Variants in CERT1 observed in about 807,000 individuals in gnomAD.
CERT1 encodes ceramide transporter 1.
Under a neutral mutation model 87.9 loss-of-function variants are expected in CERT1, and 31 were observed. The ratio of observed to expected loss-of-function variants is 0.35; its 90% CI spans 0.27 to 0.48. The LOEUF (loss-of-function observed/expected upper bound fraction) is 0.48, where lower values mean the gene tolerates loss of function less well. CERT1 is among the 20% of genes least tolerant of loss of function. The pLI is 0.99. For synonymous variants in CERT1, 289 were observed against 250.9 expected (o/e 1.15, Z -1.44); for missense variants, 487 against 758.0 (o/e 0.64, Z 4.20).
At position 75,417,899 on chromosome 5, in the gene CERT1, G is replaced by A. The variant is rs201351487; in HGVS notation, c.680-866C>T. 3.9e-5 allele frequency among the ~76,000 whole-genome samples: 6 copies of A among 152,344 alleles called. No homozygotes were observed. The East Asian group carries it at 1.2e-3, about 29-fold the overall frequency. Reference sequence around the variant, plus strand: ...TGGCTGGGCGCGGTGGCTCACGCCTGTAATCCCAGCACTTTGGGAGGCCAA... The same window carrying A: ...TGGCTGGGCGCGGTGGCTCACGCCTATAATCCCAGCACTTTGGGAGGCCAA... On this transcript the variant is annotated intron_variant, in intron 6 of 16. Transcript: ENST00000643780.
intron 5 of CERT1, among the ~76,000 whole-genome samples, chr5:75,422,954 T>C (rs888214384): frequency 6.6e-6 from 1 of 152,180 alleles, no homozygotes; most frequent in South Asian, 2.1e-4. Flanking sequence ...TTTTCCTTCA[T>C]GGCCTTCAGA....
intron 5 of CERT1, among the ~76,000 whole-genome samples, chr5:75,424,309 C>T (rs565188492): frequency 3.9e-5 from 6 of 152,046 alleles, no homozygotes; most frequent in East Asian, 3.9e-4. Flanking sequence ...GGGCCGAGCG[C>T]GGTGGCTCAG....
intron 3 of CERT1, among the ~76,000 whole-genome samples, chr5:75,448,589 T>C (rs1226452843): frequency 6.6e-6 from 1 of 152,202 alleles, no homozygotes; most frequent in African/African-American, 2.4e-5. Context: ...TCCCAGCTAA[T>C]GTCCTAATAC....
At chr5:75,425,207 A>C (rs1216186075) in intron 5 of CERT1, 154 bp downstream of exon 5, 1 of 627,882 alleles carries the variant, frequency 1.6e-6, no homozygotes, top group African/African-American at 1.8e-5. Context: ...TGAAGTACCC[A>C]AGTTACAAGG....
chr5:75,427,408 G>T (rs910244357), intron 3 of CERT1, among the ~76,000 whole-genome samples: 1 of 152,102 alleles, frequency 6.6e-6, no homozygotes, highest in African/African-American at 2.4e-5. Flanking sequence ...AGACCAGCCT[G>T]GCCAATATGG....
chr5:75,380,463 T>C (rs1031234528), intron 16 of CERT1, among the ~76,000 whole-genome samples: 1 of 152,092 alleles, frequency 6.6e-6, no homozygotes, highest in Non-Finnish European at 1.5e-5. Flanking sequence ...AAATCTGTTC[T>C]ATGAGGCAAA....
In CERT1 at chr5:75,380,964, G is replaced by A. The variant is rs530769628; in HGVS notation, c.1747+108C>T. The A allele has an allele frequency of 1.3e-4, 145 of 1,149,142 alleles. 2 individuals are homozygous for A. The South Asian group carries it at 2.1e-3, about 16-fold the overall frequency. 71.2% of individuals were successfully genotyped at this position (1,149,142 alleles called of 1,614,324 possible). ...ATACCTTTCTCCAAATTAAAAATTA[G>A]TAATCTAATGGATAAGAACTAAAAA... On this transcript the variant is annotated intron_variant, in intron 16 of 16. Transcript: ENST00000643780.
At chr5:75,426,064 TATTAA>T (rs1763606145) in intron 4 of CERT1, among the ~76,000 whole-genome samples, 1 of 152,240 alleles carries the variant, frequency 6.6e-6, no homozygotes, top group African/African-American at 2.4e-5. Flanking sequence ...AAGCACTGAT[TATTAA>T]TCTGTGGATA....
At chr5:75,477,675 A>AAAC (rs1033507431) in intron 2 of CERT1, among the ~76,000 whole-genome samples, 3 of 148,026 alleles carry the variant, frequency 2.0e-5, no homozygotes, top group African/African-American at 4.9e-5. Context: ...AAAAACAACC[A>AAAC]AACAACAACA....
chr5:75,486,725 A>G (rs1257990056), intron 2 of CERT1, among the ~76,000 whole-genome samples: 1 of 152,088 alleles, frequency 6.6e-6, no homozygotes, highest in Non-Finnish European at 1.5e-5. Context: ...AAGTAATTCC[A>G]TTTATAATAG....
intron 2 of CERT1, among the ~76,000 whole-genome samples, chr5:75,505,003 T>C (rs1423506753): frequency 2.0e-5 from 3 of 152,134 alleles, no homozygotes; most frequent in African/African-American, 7.2e-5. Flanking sequence ...GTAAACTAAG[T>C]AGGCCAGGCG....
intron 2 of CERT1, among the ~76,000 whole-genome samples, chr5:75,488,556 G>A (rs1195420847): frequency 6.6e-6 from 1 of 152,034 alleles, no homozygotes; most frequent in Non-Finnish European, 1.5e-5. Flanking sequence ...TATCAAAGTT[G>A]TACATAGCTT....
intron 3 of CERT1, among the ~76,000 whole-genome samples, chr5:75,428,634 C>A (rs570341046): frequency 3.3e-5 from 5 of 150,318 alleles, no homozygotes; most frequent in African/African-American, 1.2e-4. Flanking sequence ...GCTGAGATTG[C>A]GCCACTGCAG....
intron 3 of CERT1, among the ~76,000 whole-genome samples, chr5:75,429,181 T>TAAC (rs1258379491): frequency 6.8e-6 from 1 of 146,530 alleles, no homozygotes; most frequent in Non-Finnish European, 1.5e-5. Flanking sequence ...AACTGAATAA[T>TAAC]AATAATAATA....
At chr5:75,406,843 C>A (rs1410373013) in intron 8 of CERT1, among the ~76,000 whole-genome samples, 2 of 152,070 alleles carry the variant, frequency 1.3e-5, no homozygotes, top group African/African-American at 2.4e-5. Context: ...CCACACCCAG[C>A]CACATTATGG....
At chr5:75,401,674 C>A (rs972362240) in intron 9 of CERT1, 1 of 152,070 alleles carries the variant, frequency 6.6e-6, no homozygotes, top group Non-Finnish European at 1.5e-5. Flanking sequence ...ATAAGCTTTA[C>A]AAATTAATGT....
chr5:75,371,573 C>A (rs762945756), intron 17 of CERT1: 4 of 152,094 alleles, frequency 2.6e-5, no homozygotes, highest in Non-Finnish European at 4.4e-5. Context: ...GTTTAGCTAC[C>A]CCTGTGGCAA....
chr5:75,379,059 G>T lies in CERT1; in HGVS notation c.*287C>A. 3.7e-6 allele frequency: 1 copy of T among 266,668 alleles called. No individual in the cohort carries two copies. The highest frequency in any genetic ancestry group is 7.1e-6 in the Non-Finnish European group (1 of 140,338). The allele number at this position is 266,668 out of a possible 1,614,324, so 16.5% of individuals were successfully genotyped here. ...CTGAGCATGGTGGCACATGCCTGTGGGGACTCCCAGCTACTGGGAAGGCTG... is the reference window on the plus strand; with the variant it reads ...CTGAGCATGGTGGCACATGCCTGTGTGGACTCCCAGCTACTGGGAAGGCTG... On this transcript the variant is annotated 3_prime_UTR_variant, in exon 17 of 17. Coordinates refer to ENST00000643780, the MANE Select transcript of CERT1 (RefSeq NM_001379029.1).
chr5:75,467,047 C>T (rs1339899790), intron 2 of CERT1, among the ~76,000 whole-genome samples: 1 of 152,060 alleles, frequency 6.6e-6, no homozygotes, highest in East Asian at 1.9e-4. Flanking sequence ...TTTGTAACAG[C>T]CCCAAACTGG....
Sources: gnomAD v4.1 joint callset for allele counts (sites outside exome capture counted in the v4.1 genomes callset) on GRCh38, gnomAD v4.1.1 for gene constraint, MANE v1.5 for transcripts, NCBI Gene and HGNC (gene_info 2026-07-23, HGNC 2026-07-21) for gene names.